DNAH11: variants seen among roughly 807,000 people sequenced by gnomAD.
DNAH11 encodes the protein axonemal beta dynein heavy chain 11.
In DNAH11, 442 loss-of-function variants were observed where a neutral mutation model predicts 526.0. That is an observed-to-expected ratio of 0.84 (90% CI 0.78 to 0.91). DNAH11 has a LOEUF of 0.91. DNAH11 is among the 40% of genes least tolerant of loss of function. The pLI is 0.00. For missense variants in DNAH11, 6,989 were observed against 5,448.7 expected (o/e 1.28, Z -8.90); for synonymous variants, 2,461 against 1,935.9 (o/e 1.27, Z -7.12).
At chr7:21,825,527 T>C (rs1027826503) in intron 65 of DNAH11, among the ~76,000 whole-genome samples, 9 of 152,330 alleles carry the variant, frequency 5.9e-5, no homozygotes, top group Admixed American at 4.6e-4. Flanking sequence ...AGAGAGACTT[T>C]TATGCTTCTG....
At chr7:21,547,849 T>A (rs542748918) in intron 2 of DNAH11, among the ~76,000 whole-genome samples, 105 of 152,372 alleles carry the variant, frequency 6.9e-4, no homozygotes, top group African/African-American at 2.5e-3. Flanking sequence ...GGTTCTTGAA[T>A]CACTCTAAAA....
chr7:21,629,070 T>A (rs1041102688), intron 25 of DNAH11, among the ~76,000 whole-genome samples: 3 of 152,122 alleles, frequency 2.0e-5, no homozygotes, highest in Non-Finnish European at 2.9e-5. Flanking sequence ...ATTACTGGCT[T>A]TTACTGTATC....
chr7:21,834,788 T>A (rs1197164687), intron 65 of DNAH11, among the ~76,000 whole-genome samples: 1 of 152,138 alleles, frequency 6.6e-6, no homozygotes, highest in East Asian at 1.9e-4. Context: ...AAGGTTGCAG[T>A]GAGCTATGAT....
chr7:21,757,609 G>A (rs1049743301), intron 54 of DNAH11, among the ~76,000 whole-genome samples: 3 of 152,092 alleles, frequency 2.0e-5, no homozygotes, highest in Non-Finnish European at 2.9e-5. Context: ...TCTTGGTTTT[G>A]TAAAGTATTT....
intron 29 of DNAH11, among the ~76,000 whole-genome samples, chr7:21,657,618 C>T (rs1331207301): frequency 1.3e-5 from 2 of 152,140 alleles, no homozygotes; most frequent in African/African-American, 4.8e-5. Context: ...ACAATAATGA[C>T]TGAATTAATG....
chr7:21,689,576 G>A (rs1420224375), intron 34 of DNAH11, among the ~76,000 whole-genome samples: 1 of 152,228 alleles, frequency 6.6e-6, no homozygotes, highest in Non-Finnish European at 1.5e-5. Flanking sequence ...GGGAGAAGAG[G>A]CAGTTATTCT....
intron 77 of DNAH11, among the ~76,000 whole-genome samples, chr7:21,892,997 T>A (rs1784381513): frequency 6.6e-6 from 1 of 152,254 alleles, no homozygotes; most frequent in African/African-American, 2.4e-5. Flanking sequence ...GTGAGATTCA[T>A]CCATGTTGTT....
intron 39 of DNAH11, among the ~76,000 whole-genome samples, chr7:21,706,306 C>T (rs1223121383): frequency 6.6e-6 from 1 of 151,950 alleles, no homozygotes. Context: ...TGCAGAACTG[C>T]ATGCATTTTA....
chr7:21,588,254 G>C lies in DNAH11; in HGVS notation c.1848+53G>C, dbSNP rs547314801. The C allele has an allele frequency of 3.2e-5, 50 of 1,562,582 alleles. 1 individual carries two copies. The African/African-American group carries it at 5.3e-4, about 17-fold the overall frequency. ...TTACAATATCATTTAGGCGGATAAT[G>C]ACCATCAACTAGAACTCTATGTGAT... On this transcript the variant is annotated intron_variant, in intron 10 of 81. Coordinates refer to ENST00000409508, the MANE Select transcript of DNAH11 (RefSeq NM_001277115.2).
chr7:21,721,837 A>G (rs935008225), intron 44 of DNAH11, among the ~76,000 whole-genome samples: 5 of 152,204 alleles, frequency 3.3e-5, no homozygotes, highest in Admixed American at 6.5e-5. Flanking sequence ...CCCTCTCTCC[A>G]GTCCCTCTTA....
At chr7:21,772,061 G>A (rs1037896111) in intron 55 of DNAH11, among the ~76,000 whole-genome samples, 9 of 152,178 alleles carry the variant, frequency 5.9e-5, no homozygotes, top group African/African-American at 1.9e-4. Flanking sequence ...AAAGAGGTCT[G>A]TTCTGGAACG....
chr7:21,598,586 AAAAT>A (rs57037889), intron 14 of DNAH11, among the ~76,000 whole-genome samples: 10,392 of 148,784 alleles, frequency 0.07, 532 homozygotes, highest in African/African-American at 0.14. Flanking sequence ...ATGGTATGCA[AAAAT>A]AAATAAATAA....
chr7:21,604,180 A>G (rs563640088), intron 18 of DNAH11, among the ~76,000 whole-genome samples: 9 of 152,198 alleles, frequency 5.9e-5, no homozygotes, highest in Non-Finnish European at 1.3e-4. Context: ...AAGTCTGGCT[A>G]TGCCTACTAA....
At chr7:21,699,707 A>G (rs1019266356) in intron 36 of DNAH11, among the ~76,000 whole-genome samples, 1 of 151,800 alleles carries the variant, frequency 6.6e-6, no homozygotes, top group African/African-American at 2.4e-5. Flanking sequence ...TTTTTTAATG[A>G]GCCTATTTTA....
intron 57 of DNAH11, 86 bp from the exon 58 acceptor site, chr7:21,784,341 G>A: frequency 1.0e-6 from 1 of 953,586 alleles, no homozygotes; most frequent in South Asian, 1.4e-5. Context: ...TTATTTAACA[G>A]TGCATCTGAG....
intron 54 of DNAH11, among the ~76,000 whole-genome samples, chr7:21,759,571 C>A (rs1786805384): frequency 6.6e-6 from 1 of 152,076 alleles, no homozygotes; most frequent in South Asian, 2.1e-4. Context: ...CTTGATTATT[C>A]TTGAAAAATA....
rs573522796 is a variant in DNAH11 at position 21,833,044 on chromosome 7, T to G, written c.10692-9500T>G. Among the ~76,000 whole-genome samples, 26 of 152,304 alleles carry G rather than the reference T, an allele frequency of 1.7e-4. No homozygotes were observed. In the South Asian group the frequency reaches 5.2e-3, roughly 30 times the overall value. On this transcript the variant is annotated intron_variant, in intron 65 of 81. Coordinates refer to ENST00000409508, the MANE Select transcript of DNAH11 (RefSeq NM_001277115.2). ...CACATACACCACACAAATCTCTAAA[T>G]TAACCTGACTTCTTACCATAGTTCC...
At chr7:21,778,116 TTTAG>T (rs1210121930) in intron 56 of DNAH11, among the ~76,000 whole-genome samples, 2 of 152,168 alleles carry the variant, frequency 1.3e-5, no homozygotes, top group Non-Finnish European at 2.9e-5. Flanking sequence ...CACTTCTGCT[TTTAG>T]TTACATGACC....
intron 76 of DNAH11, among the ~76,000 whole-genome samples, chr7:21,889,484 T>C (rs897931939): frequency 3.9e-5 from 6 of 152,244 alleles, no homozygotes; most frequent in African/African-American, 7.2e-5. Context: ...GTTTTTTAAA[T>C]AGTGGCTGCA....
Sources: gnomAD v4.1 joint callset for allele counts (sites outside exome capture counted in the v4.1 genomes callset) on GRCh38, gnomAD v4.1.1 for gene constraint, MANE v1.5 for transcripts, NCBI Gene and HGNC (gene_info 2026-07-23, HGNC 2026-07-21) for gene names.